Variants in CLIP1 observed in about 807,000 individuals in gnomAD.
CLIP1 encodes the protein CAP-Gly domain-containing linker protein 1.
CLIP1 carries 66 observed loss-of-function variants against 161.6 expected under a neutral mutation model. The ratio of observed to expected loss-of-function variants is 0.41; its 90% CI spans 0.33 to 0.50. The LOEUF is 0.50. CLIP1 is among the 20% of genes least tolerant of loss of function. The pLI is 0.27. For synonymous variants in CLIP1, 598 were observed against 626.2 expected, an observed-to-expected ratio of 0.96 and a Z score of 0.67; for missense variants, 1,376 against 1,702.0, an observed-to-expected ratio of 0.81 and a Z score of 3.37.
At chr12:122,310,001 T>TATA in intron 19 of CLIP1, 119 bp from the exon 20 acceptor site, 1 of 1,101,882 alleles carries the variant, frequency 9.1e-7, no homozygotes, top group Non-Finnish European at 1.3e-6. Flanking sequence ...TGATAGGATC[T>TATA]ATAATAACAG....
intron 17 of CLIP1, among the ~76,000 whole-genome samples, chr12:122,319,636 G>T (rs1386919848): frequency 1.3e-5 from 2 of 152,216 alleles, no homozygotes; most frequent in Admixed American, 1.3e-4. Flanking sequence ...AATGACACTG[G>T]CAAGCATGCT....
intron 17 of CLIP1, 64 bp from the exon 18 acceptor site, chr12:122,319,412 C>G: frequency 3.2e-6 from 4 of 1,254,268 alleles, no homozygotes; most frequent in Non-Finnish European, 4.7e-6. Context: ...AGGTGAGGAT[C>G]GGGCTGTGCT....
At chr12:122,363,907 T>A in intron 4 of CLIP1, 76 bp downstream of exon 4, 3 of 1,593,194 alleles carry the variant, frequency 1.9e-6, no homozygotes, top group Non-Finnish European at 2.6e-6. Context: ...CATGTTATGA[T>A]ACACGCTTGG....
At chr12:122,395,988 T>A (rs1955897958) in intron 1 of CLIP1, 1 of 151,902 alleles carries the variant, frequency 6.6e-6, no homozygotes, top group Admixed American at 6.6e-5. Context: ...GTGCGTGTAG[T>A]CCCAGCTACT....
intron 1 of CLIP1, among the ~76,000 whole-genome samples, chr12:122,396,926 C>A (rs1384475185): frequency 7.0e-6 from 1 of 142,316 alleles, no homozygotes; most frequent in Non-Finnish European, 1.5e-5. Flanking sequence ...ACCACCACAC[C>A]CGGCAAATTT....
At position 122,283,829 on chromosome 12, in the gene CLIP1, T is replaced by C. The variant is rs537910434; in HGVS notation, c.3647+4660A>G. On this transcript the variant is annotated intron_variant, in intron 21 of 25. Transcript: ENST00000620786. ...CTTGAATATCATGACTATTTGGCCA[T>C]AGTGATTCTATTACTATCTTAACTA... is the stretch of plus-strand genomic sequence containing the variant. Among the ~76,000 whole-genome samples the C allele has an allele frequency of 2.6e-5, 4 of 152,190 alleles. No homozygotes were observed. In the South Asian group the frequency reaches 6.2e-4, roughly 24 times the overall value.
chr12:122,403,166 A>G (rs568826622), intron 1 of CLIP1, among the ~76,000 whole-genome samples: 10 of 152,240 alleles, frequency 6.6e-5, no homozygotes, highest in African/African-American at 2.4e-4. Flanking sequence ...GAAATGTAAA[A>G]CTCCTGAATC....
At chr12:122,399,649 G>A (rs1229573318) in intron 1 of CLIP1, 3 of 152,144 alleles carry the variant, frequency 2.0e-5, no homozygotes, top group East Asian at 1.9e-4. Flanking sequence ...AACCTGCCAG[G>A]AGAGGGAGTT....
At chr12:122,391,597 T>C (rs1955666485) in intron 1 of CLIP1, among the ~76,000 whole-genome samples, 2 of 151,776 alleles carry the variant, frequency 1.3e-5, no homozygotes, top group Non-Finnish European at 2.9e-5. Flanking sequence ...AAAAAGAAAA[T>C]AATAAATAAA....
At chr12:122,376,705 C>T (rs1954752567) in intron 3 of CLIP1, among the ~76,000 whole-genome samples, 1 of 150,186 alleles carries the variant, frequency 6.7e-6, no homozygotes, top group Non-Finnish European at 1.5e-5. Flanking sequence ...CTCCTGACCT[C>T]GTGATCCACC....
In CLIP1 at chr12:122,279,270, T is replaced by C. The variant is rs866529698; in HGVS notation, c.3648-125A>G. ...AAAAAAAAAATATAACAGGGAAGTT[T>C]TATAGGGAGTTAAGGCCATTATGCT... is the stretch of plus-strand genomic sequence containing the variant. On this transcript the variant is annotated intron_variant, in intron 21 of 25. Coordinates refer to ENST00000620786, the MANE Select transcript of CLIP1 (RefSeq NM_001247997.2). The surrounding 1 kb of genome is among the most constrained non-coding windows in gnomAD (Gnocchi z 4.5). The C allele has an allele frequency of 1.6e-6, 1 of 635,662 alleles. No individual in the cohort carries two copies. Among genetic ancestry groups the C allele is most frequent in the Middle Eastern group, 3.8e-4 (1 of 2,648 alleles). 39.4% of individuals were successfully genotyped at this position (635,662 alleles called of 1,614,324 possible).
chr12:122,278,315 T>C lies in CLIP1; in HGVS notation c.3917-112A>G, dbSNP rs944609090. ...CCTGTGTTCAAAACTCATTTTCCTG[T>C]GGACTTCCCAGATGCACCACTTTCA... On this transcript the variant is annotated intron_variant, in intron 23 of 25. Coordinates refer to ENST00000620786, the MANE Select transcript of CLIP1 (RefSeq NM_001247997.2). The C allele has an allele frequency of 3.0e-6, 3 of 993,304 alleles. No homozygotes were observed. The African/African-American group carries it at 4.8e-5, about 16-fold the overall frequency. 61.5% of individuals were successfully genotyped at this position (993,304 alleles called of 1,614,324 possible).
chr12:122,279,072 A>C lies in CLIP1; in HGVS notation c.3721T>G (p.Leu1241Val). Residue 1241 changes from leucine to valine, a missense_variant, in exon 22 of 26, where the codon TTA becomes GTA. Physicochemically the swap from Leu to Val is conservative, Grantham distance 32 (BLOSUM62 1). Around this residue, in one of 6 missense-constraint regions of CLIP1, gnomAD observed 948 missense variants for 1,134.8 expected, o/e 0.84. Transcript: ENST00000620786. The surrounding 1 kb of genome is among the most constrained non-coding windows in gnomAD (Gnocchi z 4.5). ...LQKSISITSA[L>V]LTEKDAELEK... is the part of the protein sequence containing the mutation. ...AGCTCGGCATCCTTTTCTGTGAGTA[A>C]GGCACTAGTTATACTGATGGATTTC... The C allele has an allele frequency of 3.1e-6, 5 of 1,613,626 alleles. No individual in the cohort carries two copies. Among genetic ancestry groups the C allele is most frequent in the Non-Finnish European group, 3.4e-6 (4 of 1,179,906 alleles).
chr12:122,341,733 A>T, intron 10 of CLIP1, 36 bp from the exon 11 acceptor site: 1 of 936,316 alleles, frequency 1.1e-6, no homozygotes, highest in East Asian at 2.8e-5. Flanking sequence ...AAGATCATTT[A>T]AATAACAAGT....
intron 17 of CLIP1, among the ~76,000 whole-genome samples, chr12:122,321,018 T>TAAA (rs1951479544): frequency 1.4e-5 from 2 of 144,982 alleles, no homozygotes; most frequent in African/African-American, 5.2e-5. Flanking sequence ...AGACTCTGTC[T>TAAA]TAAATAAATA....
Position 122,273,066 on chromosome 12 carries a change from G to A in CLIP1, c.4126C>T (p.Arg1376Cys). The A allele has an allele frequency of 1.2e-6, 2 of 1,614,036 alleles. No homozygotes were observed. Among genetic ancestry groups the A allele is most frequent in the East Asian group, 2.2e-5 (1 of 44,890 alleles). The change falls in exon 26 of 26, where the codon CGC (arginine) becomes TGC (cysteine). Residue 1376 changes from arginine to cysteine, a missense_variant. Arg to Cys is a radical substitution (Grantham distance 180). Around this residue, in one of 6 missense-constraint regions of CLIP1, gnomAD observed 948 missense variants for 1,134.8 expected, o/e 0.84. Coordinates refer to ENST00000620786, the MANE Select transcript of CLIP1 (RefSeq NM_001247997.2). ...CAGTCACAAATGTCACAGAAGAGGC[G>A]AGGTTTCTTCTTGGACTGTTTCTCC... ...DQEKQSKKKPRLFCDICDCFD... is the reference protein window; with the variant it reads ...DQEKQSKKKPCLFCDICDCFD...
chr12:122,321,004 G>A (rs1039677255), intron 17 of CLIP1, among the ~76,000 whole-genome samples: 1 of 148,578 alleles, frequency 6.7e-6, no homozygotes, highest in Non-Finnish European at 1.5e-5. Flanking sequence ...CACCGCACCC[G>A]GTGAGACTCT....
intron 19 of CLIP1, among the ~76,000 whole-genome samples, chr12:122,313,588 C>T (rs972253961): frequency 7.9e-5 from 12 of 151,892 alleles, no homozygotes; most frequent in Admixed American, 1.3e-4. Flanking sequence ...TAGCTGGGCA[C>T]GGTGGTACAT....
chr12:122,356,809 C>T (rs1327575244), intron 5 of CLIP1, among the ~76,000 whole-genome samples: 4 of 152,192 alleles, frequency 2.6e-5, no homozygotes, highest in African/African-American at 7.2e-5. Flanking sequence ...GACTGGTTTT[C>T]GTATTTTTTT....
Sources: allele counts gnomAD v4.1 joint callset (sites outside exome capture counted in the v4.1 genomes callset), GRCh38; gene constraint gnomAD v4.1.1; regional missense constraint gnomAD v4.1.1; non-coding constraint Gnocchi (gnomAD v3.1); transcripts MANE v1.5; gene names NCBI Gene and HGNC (gene_info 2026-07-23, HGNC 2026-07-21).